Variants in FANK1 observed in about 807,000 individuals in gnomAD.
The protein encoded by FANK1 is fibronectin type III and ankyrin repeat domains 1, also known as fibronectin type 3 and ankyrin repeat domains protein 1.
FANK1 carries 44 observed loss-of-function variants against 45.3 expected under a neutral mutation model. The observed-to-expected ratio is 0.97, with a 90% confidence interval of 0.76 to 1.25. The LOEUF is 1.25. FANK1 is among the 50% of genes most tolerant of loss of function. The probability of loss-of-function intolerance (pLI) is 0.00; values close to 1 mark genes in which losing one functional copy is unlikely to be tolerated. For synonymous variants in FANK1, 149 were observed against 152.5 expected (o/e 0.98, Z 0.17); for missense variants, 391 against 424.4 (o/e 0.92, Z 0.69).
chr10:125,949,246 A>G (rs1210073672), intron 1 of FANK1, among the ~76,000 whole-genome samples: 1 of 150,566 alleles, frequency 6.6e-6, no homozygotes, highest in Non-Finnish European at 1.5e-5. Flanking sequence ...CCTATTCAAC[A>G]TAGTGTTGTA....
chr10:125,930,465 C>T lies in FANK1; in HGVS notation c.13+33810C>T, dbSNP rs530522003. ...AATCCTCCCACCTCAGCCTCCTGAG[C>T]AGCTGGGACAGCAGGCACAACATGC... is the stretch of plus-strand genomic sequence containing the variant. On this transcript the variant is annotated intron_variant, in intron 1 of 10. Coordinates refer to ENST00000368693, the MANE Select transcript of FANK1 (RefSeq NM_145235.5). 2.0e-5 allele frequency among the ~76,000 whole-genome samples: 3 copies of T among 151,994 alleles called. No individual in the cohort carries two copies. The East Asian group carries it at 5.8e-4, about 29-fold the overall frequency.
intron 1 of FANK1, among the ~76,000 whole-genome samples, chr10:125,943,121 C>A (rs967584476): frequency 1.3e-5 from 2 of 152,084 alleles, no homozygotes; most frequent in Non-Finnish European, 2.9e-5. Flanking sequence ...CTATAATTTG[C>A]TGCTTGATGT....
intron 1 of FANK1, among the ~76,000 whole-genome samples, chr10:125,956,638 T>A (rs1345378310): frequency 6.6e-6 from 1 of 152,188 alleles, no homozygotes; most frequent in East Asian, 1.9e-4. Flanking sequence ...TTAGGCAGTT[T>A]AAAATTAAAA....
intron 1 of FANK1, among the ~76,000 whole-genome samples, chr10:125,902,108 A>T (rs1345574226): frequency 6.6e-6 from 1 of 152,016 alleles, no homozygotes; most frequent in Non-Finnish European, 1.5e-5. Flanking sequence ...GACAAGAGCA[A>T]TGTGAGGTGG....
chr10:125,970,771 C>T (rs866735557), intron 1 of FANK1, among the ~76,000 whole-genome samples: 1 of 152,272 alleles, frequency 6.6e-6, no homozygotes, highest in Admixed American at 6.5e-5. Context: ...GCAGTACAGT[C>T]CAGCCTCGGC....
chr10:125,924,806 C>CAAAAAAA (rs58856642), intron 1 of FANK1, among the ~76,000 whole-genome samples: 1 of 70,774 alleles, frequency 1.4e-5, no homozygotes, highest in African/African-American at 4.3e-5. Context: ...GACCCCATCT[C>CAAAAAAA]AAAAAAAAAA....
At chr10:125,898,021 A>AGC (rs1944715138) in intron 1 of FANK1, among the ~76,000 whole-genome samples, 1 of 130,860 alleles carries the variant, frequency 7.6e-6, no homozygotes, top group African/African-American at 3.0e-5. Context: ...AAAAAAAAAA[A>AGC]AAAAAAAAAA....
chr10:125,958,981 G>A lies in FANK1; in HGVS notation c.14-21180G>A, dbSNP rs147232791. On this transcript the variant is annotated intron_variant, in intron 1 of 10. Transcript: ENST00000368693. ...CTGAAAGCCCCAAATCAAATCAAAG[G>A]CACGGCATCAAAATAAATAAAACAC... Among the ~76,000 whole-genome samples the A allele has an allele frequency of 3.0e-3, 453 of 152,098 alleles. 3 individuals carry two copies. The highest frequency in any genetic ancestry group is 0.011 in the African/African-American group (436 of 41,496).
At chr10:125,945,015 C>G (rs990419017) in intron 1 of FANK1, among the ~76,000 whole-genome samples, 1 of 152,132 alleles carries the variant, frequency 6.6e-6, no homozygotes, top group Non-Finnish European at 1.5e-5. Flanking sequence ...TTCCACTGTT[C>G]TTCTTAGTAC....
At chr10:125,948,458 A>G (rs1386127575) in intron 1 of FANK1, among the ~76,000 whole-genome samples, 1 of 152,212 alleles carries the variant, frequency 6.6e-6, no homozygotes, top group Admixed American at 6.5e-5. Flanking sequence ...AGAAATACAA[A>G]CTACCATCAG....
At chr10:126,003,524 G>A (rs1173775141) in intron 6 of FANK1, among the ~76,000 whole-genome samples, 1 of 152,130 alleles carries the variant, frequency 6.6e-6, no homozygotes, top group Non-Finnish European at 1.5e-5. Context: ...CTCACAGGTA[G>A]TGATTCTAGG....
intron 1 of FANK1, among the ~76,000 whole-genome samples, chr10:125,906,883 T>TC (rs1300694685): frequency 6.6e-6 from 1 of 152,218 alleles, no homozygotes; most frequent in Non-Finnish European, 1.5e-5. Flanking sequence ...TCTGAGATTC[T>TC]CCCCTGCAGT....
At chr10:125,941,573 A>T (rs1381368888) in intron 1 of FANK1, among the ~76,000 whole-genome samples, 1 of 152,244 alleles carries the variant, frequency 6.6e-6, no homozygotes, top group African/African-American at 2.4e-5. Context: ...AGAAACCTTC[A>T]TGTGGATACC....
chr10:125,956,507 C>G (rs938573241), intron 1 of FANK1, among the ~76,000 whole-genome samples: 2 of 152,122 alleles, frequency 1.3e-5, no homozygotes. Flanking sequence ...CACTTCAGAT[C>G]AAGTTGGAAT....
chr10:125,984,291 G>C (rs570200162), intron 2 of FANK1, among the ~76,000 whole-genome samples: 5 of 152,364 alleles, frequency 3.3e-5, no homozygotes, highest in Middle Eastern at 3.4e-3. Flanking sequence ...GCAGGGGAGA[G>C]AGCATGGCAT....
intron 1 of FANK1, among the ~76,000 whole-genome samples, chr10:125,955,737 G>A (rs888174951): frequency 4.6e-5 from 7 of 152,142 alleles, no homozygotes; most frequent in Admixed American, 1.3e-4. Flanking sequence ...CTCTCAAAGT[G>A]CTGGGATTAC....
intron 1 of FANK1, among the ~76,000 whole-genome samples, chr10:125,971,754 T>C (rs1407583573): frequency 2.0e-5 from 3 of 152,112 alleles, no homozygotes; most frequent in Non-Finnish European, 4.4e-5. Context: ...CCTGAGTAGC[T>C]GGGACTACAG....
At chr10:125,946,033 C>T (rs1039327509) in intron 1 of FANK1, among the ~76,000 whole-genome samples, 9 of 152,118 alleles carry the variant, frequency 5.9e-5, no homozygotes, top group Non-Finnish European at 1.2e-4. Flanking sequence ...TCCAACAGAC[C>T]TGCAGCTGAG....
chr10:125,981,903 ATATC>A (rs1416251533), intron 2 of FANK1, among the ~76,000 whole-genome samples: 1 of 152,212 alleles, frequency 6.6e-6, no homozygotes, highest in Non-Finnish European at 1.5e-5. Flanking sequence ...GTGTGTATAA[ATATC>A]TATAAATATG....
Sources: allele counts gnomAD v4.1 joint callset (sites outside exome capture counted in the v4.1 genomes callset), GRCh38; gene constraint gnomAD v4.1.1; transcripts MANE v1.5; gene names NCBI Gene and HGNC (gene_info 2026-07-23, HGNC 2026-07-21).